The following KLK9 variants were observed in gnomAD, a reference collection of about 807,000 sequenced individuals.
The protein encoded by KLK9 is kallikrein-9.
A neutral mutation model predicts 23.3 loss-of-function variants in KLK9; 26 were observed. The observed-to-expected ratio is 1.12, with a 90% CI of 0.82 to 1.55. KLK9 has a LOEUF of 1.55. KLK9 is among the 40% of genes most tolerant of loss of function. KLK9 has a pLI of 0.00. For missense variants in KLK9, 346 were observed against 333.7 expected (o/e 1.04, Z -0.29); for synonymous variants, 122 against 128.5 (o/e 0.95, Z 0.34).
At chr19:51,004,746 G>A (rs1397455335) in intron 3 of KLK9, among the ~76,000 whole-genome samples, 1 of 151,650 alleles carries the variant, frequency 6.6e-6, no homozygotes, top group Admixed American at 6.6e-5. Context: ...CAGACCTCAA[G>A]GGGTGGAATG....
chr19:51,005,057 C>A (rs1420957834), intron 3 of KLK9, among the ~76,000 whole-genome samples: 1 of 151,728 alleles, frequency 6.6e-6, no homozygotes, highest in African/African-American at 2.4e-5. Flanking sequence ...ATTGACTCAG[C>A]CCAATGCTTG....
At position 51,002,790 on chromosome 19, in the gene KLK9, G is replaced by A. The variant is rs1217645859; in HGVS notation, c.*321C>T. ...CCCACTGGGCAAAGTTCCGAGGGGC[G>A]GAGCTATTTTGTGTAAGTGGTTCCT... is the stretch of plus-strand genomic sequence containing the variant. On this transcript the variant is annotated 3_prime_UTR_variant, in exon 5 of 5. Transcript: ENST00000594211. The A allele has an allele frequency of 7.7e-6, 2 of 259,266 alleles. No homozygotes were observed. The highest frequency in any genetic ancestry group is 5.5e-5 in the Admixed American group (1 of 18,250). 16.1% of individuals were successfully genotyped at this position (259,266 alleles called of 1,614,324 possible). A position where few individuals can be genotyped will look rare whatever the true frequency, so the allele number is the denominator to read the frequency against.
In KLK9 at chr19:51,003,035, G is replaced by T. The variant is rs1055454491; in HGVS notation, c.*76C>A. ...TCCAGGGCGGGAACCATTGAGGCTG[G>T]GACCCTACGAGAACCCCCTACCCCG... is the stretch of plus-strand genomic sequence containing the variant. On this transcript the variant is annotated 3_prime_UTR_variant, in exon 5 of 5. Transcript: ENST00000594211. The T allele has an allele frequency of 2.7e-6, 4 of 1,509,218 alleles. No individual in the cohort carries two copies. In the African/African-American group the frequency reaches 5.5e-5, roughly 21 times the overall value. 93.5% of individuals were successfully genotyped at this position (1,509,218 alleles called of 1,614,324 possible). A position where few individuals can be genotyped will look rare whatever the true frequency, so the allele number is the denominator to read the frequency against.
At chr19:51,008,169 A>G (rs1286388369) in intron 2 of KLK9, among the ~76,000 whole-genome samples, 4 of 117,916 alleles carry the variant, frequency 3.4e-5, no homozygotes, top group African/African-American at 1.3e-4. Context: ...GTCTCTACTA[A>G]AAAAAAAAAA....
At chr19:51,004,730 A>T (rs951416251) in intron 3 of KLK9, among the ~76,000 whole-genome samples, 1 of 151,978 alleles carries the variant, frequency 6.6e-6, no homozygotes, top group Non-Finnish European at 1.5e-5. Context: ...GAAATAGAAA[A>T]AGACCCAGAC....
rs768101891 is a variant in KLK9 at position 51,006,474 on chromosome 19, G to A, written c.450C>T (p.Ala150=). 18 of 1,611,254 alleles carry A rather than the reference G, an allele frequency of 1.1e-5. No individual in the cohort carries two copies. Among genetic ancestry groups the A allele is most frequent in the Admixed American group, 6.7e-5 (4 of 59,794 alleles). The change falls in exon 3 of 5, where the codon GCC becomes GCT. Residue 150 remains alanine, a synonymous_variant. Transcript: ENST00000594211. The surrounding 1 kb of genome is among the most constrained non-coding windows in gnomAD (Gnocchi z 4.1). ...GMQCLISGWG[A]VSSPKALFPV... ...AGGTCATACCCTTGGGGCTGGACAC[G>A]GCCCCCCAGCCTGAGATGAGACACT... is the stretch of plus-strand genomic sequence containing the variant.
chr19:51,006,767 A>T lies in KLK9; in HGVS notation c.201-44T>A, dbSNP rs1401887821. On this transcript the variant is annotated intron_variant, in intron 2 of 4. Transcript: ENST00000594211. This position sits in a 1 kb window ranked among gnomAD's most constrained non-coding sequence, Gnocchi z 4.1. ...GAGGTCAAGCTGGGGGAAAGGTAAAAGTCCTTTCAGCCCCAGCCCTCTTTT... is the reference window on the plus strand; with the variant it reads ...GAGGTCAAGCTGGGGGAAAGGTAAATGTCCTTTCAGCCCCAGCCCTCTTTT... 2 of 1,512,676 alleles carry T rather than the reference A, an allele frequency of 1.3e-6. No individual in the cohort carries two copies. Among genetic ancestry groups the T allele is most frequent in the Non-Finnish European group, 1.8e-6 (2 of 1,129,292 alleles). 93.7% of individuals were successfully genotyped at this position (1,512,676 alleles called of 1,614,324 possible).
Position 51,003,696 on chromosome 19 carries a change from G to A in KLK9, c.603+8C>T. On this transcript the variant is annotated splice_region_variant and intron_variant, in intron 4 of 4. Transcript: ENST00000594211. ...GACAGCCTCATTTTCCCCAGAGTAA[G>A]GTCTCACCTGGCAGGAACCTCGGCC... The A allele has an allele frequency of 6.2e-7, 1 of 1,609,436 alleles. No homozygotes were observed. Among genetic ancestry groups the A allele is most frequent in the East Asian group, 2.2e-5 (1 of 44,768 alleles).
intron 2 of KLK9, among the ~76,000 whole-genome samples, chr19:51,008,477 G>A (rs2091264652): frequency 6.6e-6 from 1 of 151,838 alleles, no homozygotes; most frequent in African/African-American, 2.4e-5. Context: ...AGGATACTGT[G>A]AATCAAAGAT....
In KLK9 at chr19:51,006,346, G is replaced by C; in HGVS notation, c.466+112C>G. ...GGTTAAATATATCGATTGGCAGATAGATAGACTGACAGAGAGAGAGAGGAG... is the reference window on the plus strand; with the variant it reads ...GGTTAAATATATCGATTGGCAGATACATAGACTGACAGAGAGAGAGAGGAG... On this transcript the variant is annotated intron_variant, in intron 3 of 4. Transcript: ENST00000594211. This position sits in a 1 kb window ranked among gnomAD's most constrained non-coding sequence, Gnocchi z 4.1. 2 of 1,067,616 alleles carry C rather than the reference G, an allele frequency of 1.9e-6. No individual in the cohort carries two copies. The highest frequency in any genetic ancestry group is 1.3e-6 in the Non-Finnish European group (1 of 759,446). 66.1% of individuals were successfully genotyped at this position (1,067,616 alleles called of 1,614,324 possible). A position where few individuals can be genotyped will look rare whatever the true frequency, so the allele number is the denominator to read the frequency against.
Sources: allele counts gnomAD v4.1 joint callset (sites outside exome capture counted in the v4.1 genomes callset), GRCh38; gene constraint gnomAD v4.1.1; non-coding constraint Gnocchi (gnomAD v3.1); transcripts MANE v1.5; gene names NCBI Gene and HGNC (gene_info 2026-07-23, HGNC 2026-07-21).